GPATCH8: variants seen among roughly 807,000 people sequenced by gnomAD.
GPATCH8 encodes G-patch domain containing 8, also known as G patch domain-containing protein 8.
Under a neutral mutation model 118.3 loss-of-function variants are expected in GPATCH8, and 18 were observed. The ratio of observed to expected loss-of-function variants is 0.15; its 90% CI spans 0.11 to 0.23. The LOEUF is 0.23. GPATCH8 is among the 10% of genes least tolerant of loss of function. The pLI, the probability that GPATCH8 is intolerant of heterozygous loss-of-function variation, is 1.00. For synonymous variants in GPATCH8, 659 were observed against 684.7 expected (o/e 0.96, Z 0.59); for missense variants, 1,631 against 1,873.8 (o/e 0.87, Z 2.39).
intron 3 of GPATCH8, among the ~76,000 whole-genome samples, chr17:44,439,583 C>A (rs2050620347): frequency 6.6e-6 from 1 of 151,928 alleles, no homozygotes; most frequent in South Asian, 2.1e-4. Flanking sequence ...GAAAAGACAC[C>A]AAACACTACA....
chr17:44,400,858 T>A lies in GPATCH8; in HGVS notation c.1219A>T (p.Asn407Tyr). 1 of 1,614,082 alleles carries A rather than the reference T, an allele frequency of 6.2e-7. No homozygotes were observed. Among genetic ancestry groups the A allele is most frequent in the Non-Finnish European group, 8.5e-7 (1 of 1,179,900 alleles). Reference protein sequence around the residue: ...IPPAHCKVKPNFPFLLFMRAS... With the variant: ...IPPAHCKVKPYFPFLLFMRAS... Reference sequence around the variant, plus strand: ...CTCATAAAAAGTAGAAAGGGAAAATTAGGTTTTACTTTGCAGTGTGCTGGG... The same window carrying A: ...CTCATAAAAAGTAGAAAGGGAAAATAAGGTTTTACTTTGCAGTGTGCTGGG... The change falls in exon 8 of 8, where the codon AAT becomes TAT. Residue 407 changes from asparagine (N) to tyrosine (Y), a missense_variant. By Grantham distance (143) the Asn-to-Tyr change is moderately radical (BLOSUM62 -2). Around this residue, in one of 8 missense-constraint regions of GPATCH8, gnomAD observed 405 missense variants for 462.7 expected, o/e 0.88. Coordinates refer to ENST00000591680, the MANE Select transcript of GPATCH8 (RefSeq NM_001002909.4).
In GPATCH8 at chr17:44,477,349, A is replaced by ATGG. The variant is rs1967860231; in HGVS notation, c.46-2449_46-2447dup. On this transcript the variant is annotated intron_variant, in intron 1 of 7. Transcript: ENST00000591680. ...AGTGATGAACAAGTTCTAGAACAAGATGGTGGTGGTGGTAGTCGTACAATA... is the reference window on the plus strand; with the variant it reads ...AGTGATGAACAAGTTCTAGAACAAGATGGTGGTGGTGGTGGTAGTCGTACAATA... 2.0e-5 allele frequency among the ~76,000 whole-genome samples: 3 copies of ATGG among 152,256 alleles called. No homozygotes were observed. The South Asian group carries it at 6.2e-4, about 32-fold the overall frequency.
chr17:44,493,790 C>T (rs1230309302), intron 1 of GPATCH8, among the ~76,000 whole-genome samples: 1 of 152,148 alleles, frequency 6.6e-6, no homozygotes, highest in African/African-American at 2.4e-5. Flanking sequence ...CTGCACTAGG[C>T]AAAATAATTT....
At chr17:44,459,789 T>A (rs868817545) in intron 3 of GPATCH8, among the ~76,000 whole-genome samples, 13 of 152,182 alleles carry the variant, frequency 8.5e-5, no homozygotes, top group South Asian at 2.1e-4. Context: ...AGGAACCATG[T>A]CTTATCTACT....
intron 5 of GPATCH8, among the ~76,000 whole-genome samples, chr17:44,432,936 C>G (rs541260205): frequency 2.0e-5 from 3 of 152,058 alleles, no homozygotes; most frequent in East Asian, 3.9e-4. Context: ...ACTCCTGGGC[C>G]CAAGTGATCC....
At position 44,398,442 on chromosome 17, in the gene GPATCH8, G is replaced by C. The variant is rs1243297722; in HGVS notation, c.3635C>G (p.Ser1212Cys). The change falls in exon 8 of 8, where the codon TCT (serine) becomes TGT (cysteine). Residue 1212 changes from serine to cysteine, a missense_variant. Physicochemically the swap from Ser to Cys is moderately radical, Grantham distance 112. This residue lies in a region of GPATCH8 where 922 missense variants were observed against 879.7 expected (regional missense o/e 1.05). Coordinates refer to ENST00000591680, the MANE Select transcript of GPATCH8 (RefSeq NM_001002909.4). Reference protein sequence around the residue: ...LLDPPPEESKSGEATADHPVA... With the variant: ...LLDPPPEESKCGEATADHPVA... ...AGGGTGATCAGCAGTAGCTTCTCCA[G>C]ACTTTGACTCTTCTGGGGGTGGGTC... 5 of 1,613,478 alleles carry C rather than the reference G, an allele frequency of 3.1e-6. No individual in the cohort carries two copies. The highest frequency in any genetic ancestry group is 4.2e-6 in the Non-Finnish European group (5 of 1,179,654).
intron 3 of GPATCH8, among the ~76,000 whole-genome samples, chr17:44,442,776 T>A (rs1347347699): frequency 6.6e-6 from 1 of 151,424 alleles, no homozygotes; most frequent in Non-Finnish European, 1.5e-5. Flanking sequence ...AAATCCACTT[T>A]CAAAAGACAA....
At chr17:44,457,653 G>C (rs1395567608) in intron 3 of GPATCH8, among the ~76,000 whole-genome samples, 1 of 152,140 alleles carries the variant, frequency 6.6e-6, no homozygotes, top group Non-Finnish European at 1.5e-5. Flanking sequence ...GCATGAAAAG[G>C]CCAGGCATGG....
chr17:44,448,790 T>C (rs564482016), intron 3 of GPATCH8, among the ~76,000 whole-genome samples: 155 of 147,660 alleles, frequency 1.0e-3, no homozygotes, highest in Non-Finnish European at 1.8e-3. Flanking sequence ...AAAAAAAAAA[T>C]AAACAGCACT....
chr17:44,400,323 C>G lies in GPATCH8; in HGVS notation c.1754G>C (p.Arg585Thr). The change falls in exon 8 of 8, where the codon AGA becomes ACA. Residue 585 changes from arginine to threonine, a missense_variant. Coordinates refer to ENST00000591680, the MANE Select transcript of GPATCH8 (RefSeq NM_001002909.4). ...CTTTGGTTTTTCTGTTCCTTTAGTT[C>G]TGGCATCTTTGTTCCTTGAAAGTTT... is the stretch of plus-strand genomic sequence containing the variant. ...DFKLSRNKDA[R>T]TKGTEKPKDI... 1 of 1,614,130 alleles carries G rather than the reference C, an allele frequency of 6.2e-7. No homozygotes were observed. Among genetic ancestry groups the G allele is most frequent in the Non-Finnish European group, 8.5e-7 (1 of 1,179,994 alleles).
intron 3 of GPATCH8, among the ~76,000 whole-genome samples, chr17:44,460,387 C>T (rs548877718): frequency 1.3e-5 from 2 of 152,008 alleles, no homozygotes; most frequent in South Asian, 4.2e-4. Context: ...TTAACAAATA[C>T]TAAAGGAGAA....
chr17:44,454,550 C>G (rs1170708648), intron 3 of GPATCH8, among the ~76,000 whole-genome samples: 1 of 152,208 alleles, frequency 6.6e-6, no homozygotes, highest in African/African-American at 2.4e-5. Context: ...GCAAGTTTAT[C>G]ATTCTCATTC....
In GPATCH8 at chr17:44,435,414, T is replaced by C. The variant is rs12936846; in HGVS notation, c.262-263A>G. Among the ~76,000 whole-genome samples the C allele has an allele frequency of 3.3e-3, 407 of 121,780 alleles. 6 individuals are homozygous for C. The highest frequency in any genetic ancestry group is 0.018 in the African/African-American group (390 of 22,230). 79.9% of individuals were successfully genotyped at this position (121,780 alleles called of 152,430 possible). On this transcript the variant is annotated intron_variant, in intron 4 of 7. Coordinates refer to ENST00000591680, the MANE Select transcript of GPATCH8 (RefSeq NM_001002909.4). ...TTAATTTTCTTTTCTTTCTTTCCTT[T>C]TTTTTTTTTTTTTTTTGAGATGGAG... is the stretch of plus-strand genomic sequence containing the variant.
chr17:44,464,426 C>G (rs372539558), intron 3 of GPATCH8, 46 bp downstream of exon 3: 11 of 1,083,494 alleles, frequency 1.0e-5, no homozygotes, highest in Non-Finnish European at 1.6e-5. Flanking sequence ...AGATCTGCAT[C>G]AGAAATGGTT....
chr17:44,448,574 GA>G (rs2050991327), intron 3 of GPATCH8, among the ~76,000 whole-genome samples: 1 of 35,858 alleles, frequency 2.8e-5, no homozygotes, highest in Admixed American at 3.8e-4. Context: ...AGAGGAAGAG[GA>G]AGAAGAAGAA....
intron 3 of GPATCH8, among the ~76,000 whole-genome samples, chr17:44,437,078 T>C (rs1555632106): frequency 1.3e-5 from 2 of 152,224 alleles, no homozygotes; most frequent in Non-Finnish European, 2.9e-5. Flanking sequence ...TTTTTTGATG[T>C]TCCTCATAGA....
Position 44,405,866 on chromosome 17 carries a change from A to T in GPATCH8, c.623+55T>A. On this transcript the variant is annotated intron_variant, in intron 7 of 7. Transcript: ENST00000591680. ...AATTATAATCTGAAATCTATAATTTAAAATTTTAAGGATTATAATTATCTG... is the reference window on the plus strand; with the variant it reads ...AATTATAATCTGAAATCTATAATTTTAAATTTTAAGGATTATAATTATCTG... 5 of 1,268,562 alleles carry T rather than the reference A, an allele frequency of 3.9e-6. No individual in the cohort carries two copies. In the South Asian group the frequency reaches 6.6e-5, roughly 17 times the overall value. The allele number at this position is 1,268,562 out of a possible 1,614,324, so 78.6% of individuals were successfully genotyped here.
intron 2 of GPATCH8, among the ~76,000 whole-genome samples, chr17:44,471,292 C>A (rs933931679): frequency 6.6e-6 from 1 of 152,182 alleles, no homozygotes. Flanking sequence ...ACTAACAAAT[C>A]TAAGCTTCGG....
intron 1 of GPATCH8, among the ~76,000 whole-genome samples, chr17:44,484,784 T>G (rs1968643747): frequency 6.6e-6 from 1 of 152,140 alleles, no homozygotes; most frequent in Non-Finnish European, 1.5e-5. Flanking sequence ...TCGCCCTAAT[T>G]TGATATTTCA....
Sources: allele counts gnomAD v4.1 joint callset (sites outside exome capture counted in the v4.1 genomes callset), GRCh38; gene constraint gnomAD v4.1.1; regional missense constraint gnomAD v4.1.1; transcripts MANE v1.5; gene names NCBI Gene and HGNC (gene_info 2026-07-23, HGNC 2026-07-21).